The following RCC1 variants were observed in gnomAD, a reference collection of about 807,000 sequenced individuals.
The protein encoded by RCC1 is regulator of chromosome condensation 1.
Under a neutral mutation model 44.4 loss-of-function variants are expected in RCC1, and 11 were observed. That is an observed-to-expected ratio of 0.25 (90% CI 0.16 to 0.41). RCC1 has a LOEUF of 0.41. Ranked by LOEUF, RCC1 falls within the 10% of genes least tolerant of loss-of-function variation. The probability of loss-of-function intolerance (pLI) is 1.00; values close to 1 mark genes in which losing one functional copy is unlikely to be tolerated. For synonymous variants in RCC1, 213 were observed against 216.5 expected (o/e 0.98, Z 0.14); for missense variants, 386 against 547.1 (o/e 0.71, Z 2.94).
intron 7 of RCC1, 97 bp from the exon 8 acceptor site, chr1:28,534,953 C>A: frequency 2.2e-6 from 2 of 897,316 alleles, no homozygotes; most frequent in East Asian, 2.4e-5. Context: ...GGCTCCTGCC[C>A]ACTTCTCCAT....
intron 7 of RCC1, 36 bp from the exon 8 acceptor site, chr1:28,535,014 G>A: frequency 6.4e-7 from 1 of 1,561,902 alleles, no homozygotes; most frequent in Non-Finnish European, 8.8e-7. Context: ...GGGGCAGGCA[G>A]GACTGGCTGA....
chr1:28,538,405 T>C lies in RCC1; in HGVS notation c.*398T>C, dbSNP rs1219144966. The C allele has an allele frequency of 1.2e-5, 2 of 163,838 alleles. No individual in the cohort carries two copies. Among genetic ancestry groups the C allele is most frequent in the East Asian group, 3.5e-4 (2 of 5,716 alleles). The allele number at this position is 163,838 out of a possible 1,614,324, so 10.1% of individuals were successfully genotyped here. A position where few individuals can be genotyped will look rare whatever the true frequency, so the allele number is the denominator to read the frequency against. On this transcript the variant is annotated 3_prime_UTR_variant, in exon 13 of 13. Coordinates refer to ENST00000683442, the MANE Select transcript of RCC1 (RefSeq NM_001381865.2). ...GCTCCATCAAGCCCCATTCTAGTCA[T>C]GTGCCCCTTTCCTGTCCCTAACAGT...
chr1:28,517,551 G>C (rs747514639), intron 4 of RCC1, among the ~76,000 whole-genome samples: 1 of 152,082 alleles, frequency 6.6e-6, no homozygotes, highest in Non-Finnish European at 1.5e-5. Flanking sequence ...ACCTTGTTAA[G>C]ACATGGGCAC....
At position 28,535,053 on chromosome 1, in the gene RCC1, A is replaced by T. The variant is rs1390225381; in HGVS notation, c.445A>T (p.Asn149Tyr). Residue 149 changes from asparagine (N) to tyrosine (Y), a missense_variant, in exon 8 of 13, where the codon AAT (asparagine) becomes TAT (tyrosine). By Grantham distance (143) the Asn-to-Tyr change is moderately radical. Transcript: ENST00000683442. ...GTGCCCTGTCCCTCCCTTCTAGGACAATAACGGTGTGATTGGACTGTTGGA... is the reference window on the plus strand; with the variant it reads ...GTGCCCTGTCCCTCCCTTCTAGGACTATAACGGTGTGATTGGACTGTTGGA... ...RVFLWGSFRD[N>Y]NGVIGLLEPM... is the part of the protein sequence containing the mutation. The T allele has an allele frequency of 1.9e-6, 3 of 1,613,798 alleles. No homozygotes were observed. The South Asian group carries it at 3.3e-5, about 18-fold the overall frequency.
chr1:28,526,346 T>G (rs1379621101), intron 4 of RCC1: 1 of 357,730 alleles, frequency 2.8e-6, no homozygotes, highest in Non-Finnish European at 5.4e-6. Context: ...TGGGGTCAAT[T>G]ATGAAGAGAC....
chr1:28,528,692 G>A (rs925253038), intron 4 of RCC1, among the ~76,000 whole-genome samples: 3 of 151,080 alleles, frequency 2.0e-5, no homozygotes, highest in Non-Finnish European at 4.4e-5. Context: ...AAGATAAAAC[G>A]AAACAAGTAA....
chr1:28,529,779 G>C (rs752576128), intron 4 of RCC1, 79 bp from the exon 5 acceptor site: 2 of 1,083,504 alleles, frequency 1.8e-6, no homozygotes, highest in Non-Finnish European at 2.8e-6. Flanking sequence ...CGTATTTCTA[G>C]AGTGTTTGAT....
chr1:28,516,501 CAAAA>C (rs558641226), intron 3 of RCC1, among the ~76,000 whole-genome samples: 46 of 119,532 alleles, frequency 3.8e-4, no homozygotes, highest in African/African-American at 5.1e-4. Flanking sequence ...GACCCCATCT[CAAAA>C]AAAAAAAAAA....
intron 5 of RCC1, chr1:28,530,745 C>T: frequency 1.5e-6 from 1 of 671,356 alleles, no homozygotes; most frequent in Non-Finnish European, 2.4e-6. Context: ...CTTTGGCCCA[C>T]AGAGAGCCCC....
intron 3 of RCC1, among the ~76,000 whole-genome samples, chr1:28,514,189 G>A (rs1662730606): frequency 1.3e-5 from 2 of 151,350 alleles, no homozygotes; most frequent in Non-Finnish European, 2.9e-5. Context: ...GGTGGCTCAC[G>A]CCTGTTATCC....
At chr1:28,529,395 G>T (rs913040467) in intron 4 of RCC1, among the ~76,000 whole-genome samples, 1 of 151,928 alleles carries the variant, frequency 6.6e-6, no homozygotes, top group Non-Finnish European at 1.5e-5. Context: ...TGTTGGCCAG[G>T]CTGGTTTGGA....
intron 2 of RCC1, 181 bp from the exon 3 acceptor site, chr1:28,508,649 C>CT (rs755354957): frequency 1.9e-6 from 1 of 518,976 alleles, no homozygotes; most frequent in Admixed American, 1.9e-5. Context: ...TGTACAGTCC[C>CT]TTTCCACAAC....
chr1:28,511,406 T>G (rs867763984), intron 3 of RCC1, among the ~76,000 whole-genome samples: 17,732 of 150,050 alleles, frequency 0.12, 2,540 homozygotes, highest in African/African-American at 0.35. Flanking sequence ...GTTTTTTGTT[T>G]TTTTTTTTTT....
chr1:28,508,990 C>T (rs1189076658), intron 3 of RCC1, 85 bp downstream of exon 3: 3 of 438,892 alleles, frequency 6.8e-6, no homozygotes, highest in African/African-American at 6.1e-5. Context: ...TTTCATGCCT[C>T]CTTTTGAGAG....
At chr1:28,529,824 C>A (rs767981480) in intron 4 of RCC1, 34 bp from the exon 5 acceptor site, 1 of 1,545,050 alleles carries the variant, frequency 6.5e-7, no homozygotes, top group South Asian at 1.1e-5. Context: ...AAATGTTTGC[C>A]ATTTCTCATA....
chr1:28,519,335 C>T (rs985632340), intron 4 of RCC1, among the ~76,000 whole-genome samples: 1 of 152,048 alleles, frequency 6.6e-6, no homozygotes, highest in Non-Finnish European at 1.5e-5. Flanking sequence ...AGGAACTCTG[C>T]GGGGTGGAGG....
At position 28,537,819 on chromosome 1, in the gene RCC1, C is replaced by A. The variant is rs767640955; in HGVS notation, c.1091-13C>A. 7.5e-6 allele frequency: 12 copies of A among 1,607,968 alleles called. No homozygotes were observed. The highest frequency in any genetic ancestry group is 1.0e-5 in the Non-Finnish European group (12 of 1,177,800). On this transcript the variant is annotated splice_polypyrimidine_tract_variant and intron_variant, in intron 12 of 12. Transcript: ENST00000683442. ...ATCCTGGAGACAGCTGTACCCATTT[C>A]TCTCTCTTGCAGGTCGTGTTTTCGC...
chr1:28,529,880 G>C lies in RCC1; in HGVS notation c.14G>C (p.Arg5Pro), dbSNP rs745907798. The change falls in exon 5 of 13, where the codon CGC becomes CCC. Residue 5 changes from arginine to proline, a missense_variant. Coordinates refer to ENST00000683442, the MANE Select transcript of RCC1 (RefSeq NM_001381865.2). ...CAGGACAGGAAGATGTCACCCAAGC[G>C]CATAGCTAAAAGAAGGTCCCCCCCA... The part of the protein sequence containing the change: MSPK[R>P]IAKRRSPPAD... 7 of 1,613,978 alleles carry C rather than the reference G, an allele frequency of 4.3e-6. No individual in the cohort carries two copies. Among genetic ancestry groups the C allele is most frequent in the Non-Finnish European group, 5.9e-6 (7 of 1,179,950 alleles).
chr1:28,526,504 A>T, intron 4 of RCC1: 1 of 583,202 alleles, frequency 1.7e-6, no homozygotes, highest in Admixed American at 2.3e-5. Flanking sequence ...CTAAAGTGGG[A>T]ATCCACTGAG....
Sources: allele counts gnomAD v4.1 joint callset (sites outside exome capture counted in the v4.1 genomes callset), GRCh38; gene constraint gnomAD v4.1.1; transcripts MANE v1.5; gene names NCBI Gene and HGNC (gene_info 2026-07-23, HGNC 2026-07-21).